TBC1D31: variants seen among roughly 807,000 people sequenced by gnomAD.
The protein encoded by TBC1D31 is TBC1 domain family member 31.
A neutral mutation model predicts 132.9 loss-of-function variants in TBC1D31; 99 were observed. The ratio of observed to expected loss-of-function variants is 0.74; its 90% confidence interval spans 0.63 to 0.88. The LOEUF (loss-of-function observed/expected upper bound fraction) is 0.88. Ranked by LOEUF, TBC1D31 falls within the 40% of genes least tolerant of loss-of-function variation. TBC1D31 has a pLI of 0.00. For missense variants in TBC1D31, 1,134 were observed against 1,256.6 expected (o/e 0.90, Z 1.48); for synonymous variants, 385 against 419.4 (o/e 0.92, Z 1.00).
At chr8:123,109,082 A>G (rs1214250349) in intron 8 of TBC1D31, among the ~76,000 whole-genome samples, 2 of 152,174 alleles carry the variant, frequency 1.3e-5, no homozygotes, top group Admixed American at 1.3e-4. Context: ...CCCTTTACAG[A>G]AAAAGTTTGT....
rs370862050 is a variant in TBC1D31 at position 123,151,900 on chromosome 8, T to C, written c.3162T>C (p.Ala1054=). The change falls in exon 22 of 22, where the codon GCT becomes GCC. Residue 1054 remains alanine (A), a synonymous_variant. Coordinates refer to ENST00000287380, the MANE Select transcript of TBC1D31 (RefSeq NM_145647.4). The stretch of plus-strand genomic sequence containing the variant: ...TTCGCCAGAGACTCACTGCCCGGGC[T>C]CGTCACAGATGTCAAACCCCTCATC... ...RNLRQRLTAR[A]RHRCQTPHLL... The C allele has an allele frequency of 3.7e-5, 58 of 1,585,578 alleles. No individual in the cohort carries two copies. The African/African-American group carries it at 6.3e-4, about 17-fold the overall frequency.
At chr8:123,157,341 T>C in the TBC1D31 span, among the ~76,000 whole-genome samples, 1 of 152,164 alleles carries the variant, frequency 6.6e-6, no homozygotes, top group Non-Finnish European at 1.5e-5. Context: ...TCTGAGGCTA[T>C]ACAGCTGGTC....
chr8:123,109,372 A>G lies in TBC1D31; in HGVS notation c.1265A>G (p.Tyr422Cys), dbSNP rs766755820. ...KKRLQILLKG[Y>C]GEYPTKYRMF... ...CGTTTACAAATCTTATTAAAAGGCT[A>G]TGGTGAATATCCAACAAAATACAGG... The change falls in exon 9 of 22, where the codon TAT (tyrosine) becomes TGT (cysteine). Residue 422 changes from tyrosine (Y) to cysteine (C), a missense_variant. Transcript: ENST00000287380. 6.2e-7 allele frequency: 1 copy of G among 1,610,226 alleles called. No individual in the cohort carries two copies. Among genetic ancestry groups the G allele is most frequent in the Non-Finnish European group, 8.5e-7 (1 of 1,177,272 alleles).
chr8:123,095,528 A>G (rs1322553810), intron 5 of TBC1D31, among the ~76,000 whole-genome samples: 3 of 152,218 alleles, frequency 2.0e-5, no homozygotes, highest in African/African-American at 7.2e-5. Flanking sequence ...GTGGCTAATG[A>G]AGATTTTTGT....
intron 3 of TBC1D31, 40 bp downstream of exon 3, chr8:123,082,857 A>C (rs1815313032): frequency 5.0e-6 from 7 of 1,400,372 alleles, no homozygotes; most frequent in Non-Finnish European, 7.0e-6. Context: ...GCAGAGTAAA[A>C]TATAAACTGA....
chr8:123,157,224 T>C, the TBC1D31 span, among the ~76,000 whole-genome samples: 48 of 152,204 alleles, frequency 3.2e-4, 1 homozygote, highest in South Asian at 2.3e-3. Flanking sequence ...GCAAACAAAA[T>C]TATTGTGCCC....
intron 7 of TBC1D31, 21 bp downstream of exon 7, chr8:123,101,028 A>T (rs1340795413): frequency 6.5e-7 from 1 of 1,540,880 alleles, no homozygotes; most frequent in Non-Finnish European, 9.0e-7. Context: ...TGAAGTAATC[A>T]ACATCAGCTT....
Position 123,082,930 on chromosome 8 carries a change from C to T in TBC1D31, c.340+113C>T. On this transcript the variant is annotated intron_variant, in intron 3 of 21. Coordinates refer to ENST00000287380, the MANE Select transcript of TBC1D31 (RefSeq NM_145647.4). Reference sequence around the variant, plus strand: ...GGGGCAGTCCCCATGACAGCCCTCCCTTCAGACACTAGGTGCAAGCTGAGG... The same window carrying T: ...GGGGCAGTCCCCATGACAGCCCTCCTTTCAGACACTAGGTGCAAGCTGAGG... 6.0e-6 allele frequency: 4 copies of T among 663,168 alleles called. No individual in the cohort carries two copies. In the South Asian group the frequency reaches 7.7e-5, roughly 13 times the overall value. The allele number at this position is 663,168 out of a possible 1,614,324, so 41.1% of individuals were successfully genotyped here.
At chr8:123,144,928 T>C in intron 20 of TBC1D31, 73 bp downstream of exon 20, 3 of 988,864 alleles carry the variant, frequency 3.0e-6, no homozygotes, top group Non-Finnish European at 4.1e-6. Context: ...TTATTATGAT[T>C]TTTTTTTTTT....
intron 20 of TBC1D31, among the ~76,000 whole-genome samples, chr8:123,148,114 G>A (rs1180915091): frequency 6.8e-5 from 10 of 147,656 alleles, no homozygotes; most frequent in Admixed American, 1.4e-4. Flanking sequence ...GCGACAGAGC[G>A]AGACTCCATC....
intron 10 of TBC1D31, among the ~76,000 whole-genome samples, chr8:123,116,292 A>G (rs1818897669): frequency 6.6e-6 from 1 of 152,228 alleles, no homozygotes; most frequent in Admixed American, 6.5e-5. Context: ...TGCTTGAACT[A>G]AAGATTTAAT....
intron 11 of TBC1D31, chr8:123,123,788 G>A (rs1246402043): frequency 1.3e-5 from 2 of 152,250 alleles, no homozygotes; most frequent in Non-Finnish European, 2.9e-5. Context: ...TAAGGCTCCA[G>A]AACATTTGTT....
intron 4 of TBC1D31, among the ~76,000 whole-genome samples, chr8:123,085,740 A>G (rs1180358411): frequency 1.3e-5 from 2 of 152,218 alleles, no homozygotes; most frequent in African/African-American, 4.8e-5. Context: ...AGATCCATCC[A>G]TATTATATTT....
In TBC1D31 at chr8:123,097,457, G is replaced by A; in HGVS notation, c.831+16G>A. 6.2e-7 allele frequency: 1 copy of A among 1,612,226 alleles called. No individual in the cohort carries two copies. On this transcript the variant is annotated intron_variant, in intron 6 of 21. Transcript: ENST00000287380. ...TTCTAATCAGGTTAGTAACATAAAT[G>A]TAGGGCACTGTACTTTTTGAGAAAG...
chr8:123,078,478 G>A (rs755270787), intron 2 of TBC1D31, among the ~76,000 whole-genome samples: 1 of 152,088 alleles, frequency 6.6e-6, no homozygotes, highest in Non-Finnish European at 1.5e-5. Flanking sequence ...CCCTAGCTTC[G>A]TACACCCAGA....
intron 17 of TBC1D31, 100 bp from the exon 18 acceptor site, chr8:123,140,661 C>A: frequency 1.9e-4 from 169 of 876,666 alleles, no homozygotes; most frequent in East Asian, 5.4e-4. Context: ...TAGATGATTA[C>A]AGCTTTTATT....
At chr8:123,151,659 C>A in intron 21 of TBC1D31, 147 bp from the exon 22 acceptor site, 2 of 711,580 alleles carry the variant, frequency 2.8e-6, no homozygotes, top group Non-Finnish European at 4.1e-6. Flanking sequence ...AATGGAACCA[C>A]CTAGGGCCAG....
rs1373470785 is a variant in TBC1D31, at chr8:123,126,731, A to G, written c.1884+44A>G. 3.3e-6 allele frequency: 5 copies of G among 1,499,242 alleles called. No individual in the cohort carries two copies. The Admixed American group carries it at 6.5e-5, about 20-fold the overall frequency. 92.9% of individuals were successfully genotyped at this position (1,499,242 alleles called of 1,614,324 possible). On this transcript the variant is annotated intron_variant, in intron 13 of 21. Coordinates refer to ENST00000287380, the MANE Select transcript of TBC1D31 (RefSeq NM_145647.4). ...AAGAGAAGGTTCTCAAATATCAGTT[A>G]TTTCTCTCTATTTTTTTTTTAATTT...
In TBC1D31 at chr8:123,130,232, G is replaced by C. The variant is rs992475093; in HGVS notation, c.2305G>C (p.Glu769Gln). 4 of 1,612,592 alleles carry C rather than the reference G, an allele frequency of 2.5e-6. No homozygotes were observed. Among genetic ancestry groups the C allele is most frequent in the Non-Finnish European group, 3.4e-6 (4 of 1,179,308 alleles). Residue 769 changes from glutamate (E) to glutamine (Q), a missense_variant, in exon 16 of 22, where the codon GAA becomes CAA. Transcript: ENST00000287380. ...TGTGAAAAGAGAGCTGAAAGTAAAGGAAATGCACTTACAAGATGCTGCAAG... is the reference window on the plus strand; with the variant it reads ...TGTGAAAAGAGAGCTGAAAGTAAAGCAAATGCACTTACAAGATGCTGCAAG... ...AAVKRELKVK[E>Q]MHLQDAARRR...
Sources: allele counts gnomAD v4.1 joint callset (sites outside exome capture counted in the v4.1 genomes callset), GRCh38; gene constraint gnomAD v4.1.1; transcripts MANE v1.5; gene names NCBI Gene and HGNC (gene_info 2026-07-23, HGNC 2026-07-21).